Variants in PITPNC1 observed in about 807,000 individuals in gnomAD.
The protein encoded by PITPNC1 is phosphatidylinositol transfer protein cytoplasmic 1.
In PITPNC1, 18 loss-of-function variants were observed where a neutral mutation model predicts 44.7. The observed-to-expected ratio is 0.40, with a 90% CI of 0.28 to 0.60. The LOEUF is 0.60. Among genes scored for constraint, PITPNC1 ranks in the 20% least tolerant of loss-of-function variants. The pLI, the probability that PITPNC1 is intolerant of heterozygous loss-of-function variation, is 0.39. For synonymous variants in PITPNC1, 141 were observed against 149.6 expected, an observed-to-expected ratio of 0.94 and a Z score of 0.42; for missense variants, 290 against 418.4, an observed-to-expected ratio of 0.69 and a Z score of 2.68.
chr17:67,630,254 C>T lies in PITPNC1; in HGVS notation c.367-1889C>T, dbSNP rs574030276. On this transcript the variant is annotated intron_variant, in intron 5 of 8. Transcript: ENST00000581322. Reference sequence around the variant, plus strand: ...ATTAGTGTTAACTGTTGATTCCCTCCAGGAATGAGCTAAACAGTGGGATGT... The same window carrying T: ...ATTAGTGTTAACTGTTGATTCCCTCTAGGAATGAGCTAAACAGTGGGATGT... Among the ~76,000 whole-genome samples the T allele has an allele frequency of 1.4e-4, 22 of 152,360 alleles. No individual in the cohort carries two copies. The South Asian group carries it at 3.1e-3, about 21-fold the overall frequency.
intron 5 of PITPNC1, among the ~76,000 whole-genome samples, chr17:67,579,158 C>G (rs1382706690): frequency 6.6e-6 from 1 of 152,230 alleles, no homozygotes; most frequent in Non-Finnish European, 1.5e-5. Flanking sequence ...TAAATTTCAG[C>G]CAAGTATTTT....
At position 67,418,581 on chromosome 17, in the gene PITPNC1, G is replaced by C. The variant is rs181487078; in HGVS notation, c.48+40379G>C. Among the ~76,000 whole-genome samples, 583 of 152,054 alleles carry C rather than the reference G, an allele frequency of 3.8e-3. 10 individuals are homozygous for C. Among genetic ancestry groups the C allele is most frequent in the Non-Finnish European group, 3.8e-3 (261 of 67,974 alleles). ...AATTTTTTTTTTTCTTTTTGAGATG[G>C]AGTTTTGCTCTGTCACCCAGGCTGG... is the stretch of plus-strand genomic sequence containing the variant. On this transcript the variant is annotated intron_variant, in intron 1 of 8. Transcript: ENST00000581322.
intron 5 of PITPNC1, among the ~76,000 whole-genome samples, chr17:67,581,809 G>A (rs2041238268): frequency 6.6e-6 from 1 of 152,180 alleles, no homozygotes; most frequent in African/African-American, 2.4e-5. Flanking sequence ...TGAGGTGGGT[G>A]GATACCTGAG....
intron 1 of PITPNC1, among the ~76,000 whole-genome samples, chr17:67,504,330 A>G (rs763347479): frequency 9.2e-5 from 14 of 152,218 alleles, no homozygotes; most frequent in Non-Finnish European, 1.8e-4. Flanking sequence ...CTGTGTAAAC[A>G]AAACACACAA....
At chr17:67,499,847 C>T (rs2040003666) in intron 1 of PITPNC1, among the ~76,000 whole-genome samples, 1 of 152,214 alleles carries the variant, frequency 6.6e-6, no homozygotes, top group African/African-American at 2.4e-5. Flanking sequence ...TAAGAACATT[C>T]TATGATGTTT....
At chr17:67,506,530 C>G (rs2040103508) in intron 1 of PITPNC1, among the ~76,000 whole-genome samples, 1 of 152,046 alleles carries the variant, frequency 6.6e-6, no homozygotes, top group African/African-American at 2.4e-5. Context: ...CAATTTTTTT[C>G]TGTTTAAATA....
intron 1 of PITPNC1, among the ~76,000 whole-genome samples, chr17:67,524,221 T>C (rs1319717491): frequency 2.0e-5 from 3 of 152,136 alleles, no homozygotes; most frequent in Non-Finnish European, 4.4e-5. Context: ...GGCGGGAGGA[T>C]GGCTTGAGGC....
At chr17:67,568,309 T>G (rs2144207342) in intron 4 of PITPNC1, among the ~76,000 whole-genome samples, 1 of 151,848 alleles carries the variant, frequency 6.6e-6, no homozygotes, top group South Asian at 2.1e-4. Context: ...AATCTTAGAG[T>G]AGATTAGGAG....
intron 8 of PITPNC1, among the ~76,000 whole-genome samples, chr17:67,681,143 G>C (rs141788586): frequency 1.3e-5 from 2 of 152,102 alleles, no homozygotes; most frequent in Non-Finnish European, 2.9e-5. Context: ...ACTTCTAAAG[G>C]CCTTTCAAAC....
intron 5 of PITPNC1, among the ~76,000 whole-genome samples, chr17:67,618,318 T>C (rs572582736): frequency 2.7e-3 from 345 of 128,908 alleles, no homozygotes; most frequent in Non-Finnish European, 4.2e-3. Context: ...TGAGCTGACA[T>C]CGCGCCACTG....
chr17:67,427,445 C>A (rs141308328), intron 1 of PITPNC1, among the ~76,000 whole-genome samples: 1 of 152,240 alleles, frequency 6.6e-6, no homozygotes, highest in East Asian at 1.9e-4. Context: ...ATCTCCTGAC[C>A]TTGTGATCCT....
At chr17:67,551,060 C>A (rs954031789) in intron 2 of PITPNC1, among the ~76,000 whole-genome samples, 3 of 151,374 alleles carry the variant, frequency 2.0e-5, no homozygotes, top group Admixed American at 1.3e-4. Flanking sequence ...GACTCCGTGT[C>A]AAAACAAAAC....
chr17:67,378,801 C>T (rs991338916), intron 1 of PITPNC1, among the ~76,000 whole-genome samples: 1 of 152,202 alleles, frequency 6.6e-6, no homozygotes, highest in Admixed American at 6.5e-5. Flanking sequence ...TTTCGCAAAC[C>T]GCCTGGCTCG....
chr17:67,601,732 G>A (rs560901136), intron 5 of PITPNC1, among the ~76,000 whole-genome samples: 1 of 152,242 alleles, frequency 6.6e-6, no homozygotes, highest in Non-Finnish European at 1.5e-5. Context: ...TCTAGTCTGG[G>A]TGACAGAGCA....
At chr17:67,623,173 G>C (rs1050215659) in intron 5 of PITPNC1, among the ~76,000 whole-genome samples, 26 of 147,550 alleles carry the variant, frequency 1.8e-4, no homozygotes, top group Non-Finnish European at 3.0e-4. Context: ...AGGCTTCTCT[G>C]TCTCTTTAAT....
At chr17:67,617,906 C>T (rs1240879436) in intron 5 of PITPNC1, among the ~76,000 whole-genome samples, 1 of 152,126 alleles carries the variant, frequency 6.6e-6, no homozygotes, top group Non-Finnish European at 1.5e-5. Flanking sequence ...TGCAAAGACC[C>T]TATTTCCAAA....
intron 6 of PITPNC1, among the ~76,000 whole-genome samples, chr17:67,643,479 A>AAAAC (rs1253578498): frequency 6.6e-6 from 1 of 152,228 alleles, no homozygotes; most frequent in Non-Finnish European, 1.5e-5. Context: ...TCATCCAAGC[A>AAAAC]AAACATTCAT....
chr17:67,669,548 A>T lies in PITPNC1; in HGVS notation c.503A>T (p.Gln168Leu). 1.9e-6 allele frequency: 3 copies of T among 1,610,902 alleles called. No individual in the cohort carries two copies. The highest frequency in any genetic ancestry group is 2.5e-6 in the Non-Finnish European group (3 of 1,178,136). ...AAGTCAGAGAAGACAGGACGGGGAC[A>T]GTTGAGGGAAGGCTGGAGAGATAGT... The part of the protein sequence containing the change: ...HFKSEKTGRG[Q>L]LREGWRDSHQ... Residue 168 changes from glutamine to leucine, a missense_variant, in exon 7 of 9, where the codon CAG becomes CTG. Physicochemically the swap from Gln to Leu is moderately radical, Grantham distance 113. Transcript: ENST00000581322.
chr17:67,697,140 T>C lies in PITPNC1; in HGVS notation c.*4252T>C, dbSNP rs1424672686. 1 of 151,578 alleles carries C rather than the reference T, an allele frequency of 6.6e-6. No individual in the cohort carries two copies. Among genetic ancestry groups the C allele is most frequent in the East Asian group, 1.9e-4 (1 of 5,156 alleles). The allele number at this position is 151,578 out of a possible 1,614,324, so 9.4% of individuals were successfully genotyped here. A position where few individuals can be genotyped will look rare whatever the true frequency, so the allele number is the denominator to read the frequency against. ...GCAAACAAAAGTTGATCCTTACATATGCCATCCTTCTGTGTCATTTTGTGG... is the reference window on the plus strand; with the variant it reads ...GCAAACAAAAGTTGATCCTTACATACGCCATCCTTCTGTGTCATTTTGTGG... On this transcript the variant is annotated 3_prime_UTR_variant, in exon 9 of 9. Coordinates refer to ENST00000581322, the MANE Select transcript of PITPNC1 (RefSeq NM_012417.4).
Sources: gnomAD v4.1 joint callset for allele counts (sites outside exome capture counted in the v4.1 genomes callset) on GRCh38, gnomAD v4.1.1 for gene constraint, MANE v1.5 for transcripts, NCBI Gene and HGNC (gene_info 2026-07-23, HGNC 2026-07-21) for gene names.